Variants in SREBF2 observed in about 807,000 individuals in gnomAD.
SREBF2 encodes the protein sterol regulatory element-binding protein 2.
SREBF2 carries 55 observed loss-of-function variants against 113.1 expected under a neutral mutation model. The observed-to-expected ratio is 0.49, with a 90% CI of 0.39 to 0.61. The LOEUF (loss-of-function observed/expected upper bound fraction) is 0.61, where lower values mean the gene tolerates loss of function less well. SREBF2 is among the 20% of genes least tolerant of loss of function. The probability of loss-of-function intolerance (pLI) is 0.00; values close to 1 mark genes in which losing one functional copy is unlikely to be tolerated. For synonymous variants in SREBF2, 593 were observed against 605.7 expected (o/e 0.98, Z 0.31); for missense variants, 1,349 against 1,487.4 (o/e 0.91, Z 1.53).
In SREBF2 at chr22:41,844,903, G is replaced by C. The variant is rs140427175; in HGVS notation, c.88+11545G>C. On this transcript the variant is annotated intron_variant, in intron 1 of 18. Transcript: ENST00000361204. ...CCTGATACATTTGTCTTCCTAATAA[G>C]TGCTATAAAATTGAGGCTTGATTTC... Among the ~76,000 whole-genome samples, 503 of 151,670 alleles carry C rather than the reference G, an allele frequency of 3.3e-3. 3 individuals are homozygous for C. The highest frequency in any genetic ancestry group is 0.012 in the African/African-American group (482 of 41,380).
chr22:41,864,294 A>AAT (rs1177526276), intron 1 of SREBF2, among the ~76,000 whole-genome samples: 31 of 110,974 alleles, frequency 2.8e-4, no homozygotes, highest in South Asian at 8.5e-4. Context: ...AAAATATCAA[A>AAT]ATATATATAT....
In SREBF2 at chr22:41,866,897, G is replaced by A; in HGVS notation, c.155G>A (p.Ser52Asn). ...FPDLFSEQLC[S>N]SFPGSGGSGS... ...GACTTGTTTTCAGAACAGCTGTGTA[G>A]CTCCTTTCCTGGCAGTGGTGGTAGT... is the stretch of plus-strand genomic sequence containing the variant. Residue 52 changes from serine to asparagine, a missense_variant, in exon 2 of 19, where the codon AGC (serine) becomes AAC (asparagine). By Grantham distance (46) the Ser-to-Asn change is conservative. This residue lies in a region of SREBF2 where 699 missense variants were observed against 843.3 expected (regional missense o/e 0.83). Coordinates refer to ENST00000361204, the MANE Select transcript of SREBF2 (RefSeq NM_004599.4). 2 of 1,614,252 alleles carry A rather than the reference G, an allele frequency of 1.2e-6. No homozygotes were observed. Among genetic ancestry groups the A allele is most frequent in the Non-Finnish European group, 1.7e-6 (2 of 1,180,054 alleles).
At chr22:41,851,382 C>T (rs534400363) in intron 1 of SREBF2, among the ~76,000 whole-genome samples, 12 of 151,790 alleles carry the variant, frequency 7.9e-5, no homozygotes, top group Non-Finnish European at 1.5e-4. Context: ...TATGGAAAGT[C>T]GGCATGGTCT....
In SREBF2 at chr22:41,833,822, T is replaced by G; in HGVS notation, c.88+464T>G. On this transcript the variant is annotated intron_variant, in intron 1 of 18. Coordinates refer to ENST00000361204, the MANE Select transcript of SREBF2 (RefSeq NM_004599.4). The surrounding 1 kb of genome is among the most constrained non-coding windows in gnomAD (Gnocchi z 4.1). ...CAGCCCCCAGTCTCCGCGCCCCGAA[T>G]CCCTGGGCTTCTCAGGATTGACCGA... 6.5e-6 allele frequency: 1 copy of G among 155,034 alleles called. No individual in the cohort carries two copies. Among genetic ancestry groups the G allele is most frequent in the Non-Finnish European group, 1.4e-5 (1 of 69,646 alleles). The allele number at this position is 155,034 out of a possible 1,614,324, so 9.6% of individuals were successfully genotyped here.
At chr22:41,878,245 G>C in intron 9 of SREBF2, 122 bp downstream of exon 9, 1 of 1,326,018 alleles carries the variant, frequency 7.5e-7, no homozygotes. Context: ...CCCTGCTGCT[G>C]AATAGTCACA....
At chr22:41,893,401 C>CGTTTGTTTGTTTGTTT (rs150115715) in intron 12 of SREBF2, 116 bp downstream of exon 12, 23 of 1,131,978 alleles carry the variant, frequency 2.0e-5, no homozygotes, top group Admixed American at 7.6e-5. Flanking sequence ...TTGTTGAGTC[C>CGTTTGTTTGTTTGTTT]GTTTGTTTGT....
At chr22:41,902,460 A>G (rs1292275295) in intron 16 of SREBF2, among the ~76,000 whole-genome samples, 1 of 152,130 alleles carries the variant, frequency 6.6e-6, no homozygotes, top group East Asian at 1.9e-4. Flanking sequence ...CTAGTCCCCA[A>G]GCACTAAGGC....
chr22:41,894,842 C>T lies in SREBF2; in HGVS notation c.2400C>T (p.His800=). ...RNPADPIAQV[H]QAFCKNLLER... ...CAGCTGACCCCATTGCGCAGGTCCA[C>T]CAGGCCTTCTGCAAGAACCTGCTGG... Residue 800 remains histidine (H), a synonymous_variant, in exon 13 of 19, where the codon CAC becomes CAT. Coordinates refer to ENST00000361204, the MANE Select transcript of SREBF2 (RefSeq NM_004599.4). The T allele has an allele frequency of 1.2e-6, 2 of 1,614,200 alleles. No homozygotes were observed. The highest frequency in any genetic ancestry group is 1.7e-6 in the Non-Finnish European group (2 of 1,180,026).
chr22:41,903,356 G>A (rs1208865473), intron 17 of SREBF2, among the ~76,000 whole-genome samples: 1 of 152,250 alleles, frequency 6.6e-6, no homozygotes, highest in African/African-American at 2.4e-5. Flanking sequence ...TTGGTTGAGT[G>A]CCTGCTGTAT....
intron 7 of SREBF2, 113 bp from the exon 8 acceptor site, chr22:41,877,116 A>G (rs1185597643): frequency 9.0e-6 from 10 of 1,105,628 alleles, no homozygotes; most frequent in Non-Finnish European, 1.3e-5. Flanking sequence ...GTCCTGAGTT[A>G]ATCGACTTGA....
intron 1 of SREBF2, among the ~76,000 whole-genome samples, chr22:41,861,544 G>A (rs1448835173): frequency 1.3e-5 from 2 of 151,970 alleles, no homozygotes; most frequent in Non-Finnish European, 2.9e-5. Context: ...GGAACTGCTG[G>A]ATGATTTTTA....
At chr22:41,904,819 T>G in intron 17 of SREBF2, 44 bp from the exon 18 acceptor site, 1 of 1,468,248 alleles carries the variant, frequency 6.8e-7, no homozygotes, top group Non-Finnish European at 9.3e-7. Context: ...CATAGATGGG[T>G]GGGGACCAGG....
chr22:41,872,110 C>T (rs2077149992), intron 4 of SREBF2, among the ~76,000 whole-genome samples: 1 of 151,714 alleles, frequency 6.6e-6, no homozygotes, highest in Non-Finnish European at 1.5e-5. Flanking sequence ...ATTAGCCGGG[C>T]ATGGTGGCGG....
At chr22:41,846,206 A>C (rs1193623195) in intron 1 of SREBF2, among the ~76,000 whole-genome samples, 1 of 152,244 alleles carries the variant, frequency 6.6e-6, no homozygotes, top group Non-Finnish European at 1.5e-5. Flanking sequence ...AACCGCTTCT[A>C]TCTAGCTTGA....
rs1229139236 is a variant in SREBF2 at position 41,868,701 on chromosome 22, G to A, written c.629G>A (p.Arg210Gln). The A allele has an allele frequency of 2.5e-6, 4 of 1,614,080 alleles. No individual in the cohort carries two copies. The highest frequency in any genetic ancestry group is 2.2e-5 in the East Asian group (1 of 44,894). ...CAGGTGCAGACAGTACAGGCCCAGC[G>A]GGTGCTGACACAAACGGCCAATGGC... ...QQQVQTVQAQ[R>Q]VLTQTANGTL... The change falls in exon 3 of 19, where the codon CGG (arginine) becomes CAG (glutamine). Residue 210 changes from arginine to glutamine, a missense_variant. Coordinates refer to ENST00000361204, the MANE Select transcript of SREBF2 (RefSeq NM_004599.4).
In SREBF2 at chr22:41,905,956, C is replaced by T. The variant is rs2077505091; in HGVS notation, c.*296C>T. On this transcript the variant is annotated 3_prime_UTR_variant, in exon 19 of 19. Transcript: ENST00000361204. ...CAAGCTGCCAAGCCCCTGCCTCCAG[C>T]CTTCCTGAGTTTCTCTCTCCTGAAC... The T allele has an allele frequency of 3.2e-6, 2 of 620,756 alleles. No homozygotes were observed. Among genetic ancestry groups the T allele is most frequent in the African/African-American group, 1.8e-5 (1 of 55,528 alleles). The allele number at this position is 620,756 out of a possible 1,614,324, so 38.5% of individuals were successfully genotyped here.
intron 1 of SREBF2, among the ~76,000 whole-genome samples, chr22:41,864,283 CAA>C (rs1491524825): frequency 4.6e-5 from 5 of 108,226 alleles, no homozygotes; most frequent in East Asian, 2.8e-4. Context: ...CACACACACA[CAA>C]AATATCAAAA....
intron 8 of SREBF2, 75 bp downstream of exon 8, chr22:41,877,496 T>C: frequency 1.3e-6 from 2 of 1,542,316 alleles, no homozygotes. Flanking sequence ...TGTACAAACT[T>C]CTTGGCTTGG....
chr22:41,883,293 A>G (rs1186677757), intron 10 of SREBF2, among the ~76,000 whole-genome samples: 1 of 152,190 alleles, frequency 6.6e-6, no homozygotes, highest in Non-Finnish European at 1.5e-5. Flanking sequence ...AGATACCTTG[A>G]TGGCAGTAAG....
Sources: gnomAD v4.1 joint callset for allele counts (sites outside exome capture counted in the v4.1 genomes callset) on GRCh38, gnomAD v4.1.1 for gene constraint, gnomAD v4.1.1 regional missense constraint, Gnocchi (gnomAD v3.1) non-coding constraint, MANE v1.5 for transcripts, NCBI Gene and HGNC (gene_info 2026-07-23, HGNC 2026-07-21) for gene names.